ASH1L: variants seen among roughly 807,000 people sequenced by gnomAD.
The protein encoded by ASH1L is ASH1 like histone lysine methyltransferase, also known as histone-lysine N-methyltransferase ASH1L.
ASH1L carries 23 observed loss-of-function variants against 269.0 expected under a neutral mutation model. That is an observed-to-expected ratio of 0.09 (90% CI 0.06 to 0.12). The LOEUF (loss-of-function observed/expected upper bound fraction) is 0.12. Ranked by LOEUF, ASH1L falls within the 10% of genes least tolerant of loss-of-function variation. The pLI is 1.00. For missense variants in ASH1L, 2,912 were observed against 3,567.8 expected (o/e 0.82, Z 4.68); for synonymous variants, 1,187 against 1,253.5 (o/e 0.95, Z 1.12).
At chr1:155,365,265 G>A (rs2148399075) in intron 12 of ASH1L, among the ~76,000 whole-genome samples, 1 of 152,106 alleles carries the variant, frequency 6.6e-6, no homozygotes, top group Admixed American at 6.6e-5. Context: ...GAGTGCAGTG[G>A]CACAATCTCA....
Position 155,378,406 on chromosome 1 carries a change from A to G in ASH1L, c.6224-17T>C, listed in dbSNP as rs1656652380. ...CGTAGACATCTTGAAAAGAAAGCAA[A>G]GAATAGTTTGTGAACATACAGGATA... On this transcript the variant is annotated splice_polypyrimidine_tract_variant and intron_variant, in intron 9 of 27. Transcript: ENST00000392403. The G allele has an allele frequency of 6.2e-7, 1 of 1,612,488 alleles. No homozygotes were observed. Among genetic ancestry groups the G allele is most frequent in the South Asian group, 1.1e-5 (1 of 91,062 alleles).
At chr1:155,552,260 G>C (rs1474588295) in intron 1 of ASH1L, among the ~76,000 whole-genome samples, 2 of 151,444 alleles carry the variant, frequency 1.3e-5, no homozygotes, top group Non-Finnish European at 2.9e-5. Context: ...TGAGGTAGGA[G>C]TTCAAGACCA....
intron 5 of ASH1L, among the ~76,000 whole-genome samples, chr1:155,437,487 T>C (rs956132115): frequency 1.3e-5 from 2 of 152,146 alleles, no homozygotes; most frequent in Non-Finnish European, 2.9e-5. Flanking sequence ...TCCTTGTGCA[T>C]TGTAACTGAA....
At chr1:155,427,728 T>C (rs960745258) in intron 5 of ASH1L, among the ~76,000 whole-genome samples, 2 of 152,156 alleles carry the variant, frequency 1.3e-5, no homozygotes, top group Non-Finnish European at 2.9e-5. Flanking sequence ...CACAAGCCAC[T>C]GCACCCGGCC....
chr1:155,345,357 C>T (rs888186695), intron 21 of ASH1L, among the ~76,000 whole-genome samples: 6 of 148,478 alleles, frequency 4.0e-5, no homozygotes, highest in African/African-American at 1.5e-4. Flanking sequence ...ATTTTTTTTG[C>T]AGTTTTTAGT....
rs1489201836 is a variant in ASH1L at position 155,562,568 on chromosome 1, C to A, written c.-515G>T. On this transcript the variant is annotated 5_prime_UTR_variant, in exon 1 of 28. Coordinates refer to ENST00000392403, the MANE Select transcript of ASH1L (RefSeq NM_018489.3). ...CGTTCTTTCCCACCGTCCCCCGCTC[C>A]GCCCGACTCCGTCCGCGTAGCGCGC... 1 of 1,529,594 alleles carries A rather than the reference C, an allele frequency of 6.5e-7. No individual in the cohort carries two copies. Among genetic ancestry groups the A allele is most frequent in the Admixed American group, 2.0e-5 (1 of 50,560 alleles). The allele number at this position is 1,529,594 out of a possible 1,614,324, so 94.8% of individuals were successfully genotyped here.
intron 2 of ASH1L, chr1:155,520,295 G>A (rs1301253412): frequency 6.7e-6 from 1 of 150,020 alleles, no homozygotes; most frequent in Non-Finnish European, 1.5e-5. Flanking sequence ...AGGAGGCGGA[G>A]GTTGCGGTGA....
Position 155,477,768 on chromosome 1 carries a change from C to A in ASH1L, c.4984+118G>T, listed in dbSNP as rs1022196005. The A allele has an allele frequency of 5.4e-6, 5 of 928,608 alleles. No homozygotes were observed. In the African/African-American group the frequency reaches 8.6e-5, roughly 16 times the overall value. 57.5% of individuals were successfully genotyped at this position (928,608 alleles called of 1,614,324 possible). On this transcript the variant is annotated intron_variant, in intron 3 of 27. Transcript: ENST00000392403. Reference sequence around the variant, plus strand: ...AAAGGAATACTGAGATTTCAAAATACACTTATTAAAAAACAAAAAAAGATA... The same window carrying A: ...AAAGGAATACTGAGATTTCAAAATAAACTTATTAAAAAACAAAAAAAGATA...
intron 3 of ASH1L, among the ~76,000 whole-genome samples, chr1:155,474,224 C>G (rs1293869568): frequency 6.6e-6 from 1 of 152,056 alleles, no homozygotes; most frequent in Non-Finnish European, 1.5e-5. Flanking sequence ...GAGTCTGTTC[C>G]TAACTTTTAT....
At chr1:155,474,749 T>A (rs1205871110) in intron 3 of ASH1L, among the ~76,000 whole-genome samples, 1 of 152,150 alleles carries the variant, frequency 6.6e-6, no homozygotes, top group African/African-American at 2.4e-5. Flanking sequence ...CTGCTCCTCC[T>A]ATAGTCTTCT....
At chr1:155,364,740 G>A (rs1655252394) in intron 12 of ASH1L, among the ~76,000 whole-genome samples, 1 of 151,882 alleles carries the variant, frequency 6.6e-6, no homozygotes, top group Non-Finnish European at 1.5e-5. Context: ...AGGAGTTCAA[G>A]ACCAGCCTGG....
At chr1:155,344,112 G>A in intron 22 of ASH1L, 71 bp downstream of exon 22, 1 of 1,326,162 alleles carries the variant, frequency 7.5e-7, no homozygotes, top group Non-Finnish European at 1.1e-6. Flanking sequence ...GACTATGATG[G>A]AGACAGCAGA....
chr1:155,416,383 G>A (rs1660207867), intron 5 of ASH1L, among the ~76,000 whole-genome samples: 1 of 152,154 alleles, frequency 6.6e-6, no homozygotes, highest in Non-Finnish European at 1.5e-5. Context: ...CCTCCCAAGT[G>A]CTGGGATTAT....
rs1358224686 is a variant in ASH1L, at chr1:155,335,983, C to T, written c.*1677G>A. On this transcript the variant is annotated 3_prime_UTR_variant, in exon 28 of 28. Coordinates refer to ENST00000392403, the MANE Select transcript of ASH1L (RefSeq NM_018489.3). The stretch of plus-strand genomic sequence containing the variant: ...TTTTTCCAGCTCCACATGTGAGTAT[C>T]TTATACCCAGGTCTCTTAGTAATGT... 2 of 152,390 alleles carry T rather than the reference C, an allele frequency of 1.3e-5. No individual in the cohort carries two copies. The highest frequency in any genetic ancestry group is 2.9e-5 in the Non-Finnish European group (2 of 67,958). 9.4% of individuals were successfully genotyped at this position (152,390 alleles called of 1,614,324 possible). A position where few individuals can be genotyped will look rare whatever the true frequency, so the allele number is the denominator to read the frequency against.
chr1:155,480,211 G>C lies in ASH1L; in HGVS notation c.2659C>G (p.Pro887Ala). Residue 887 changes from proline to alanine, a missense_variant, in exon 3 of 28, where the codon CCA (proline) becomes GCA (alanine). Physicochemically the swap from Pro to Ala is conservative, Grantham distance 27 (BLOSUM62 -1). Coordinates refer to ENST00000392403, the MANE Select transcript of ASH1L (RefSeq NM_018489.3). ...CTCTTAGGCCTGCCTCTCTTTTTTG[G>C]AAAAGGAGACACAGACAGACCTTGT... Reference protein sequence around the residue: ...FKQGLSVSPFPKKRGRPKRQM... With the variant: ...FKQGLSVSPFAKKRGRPKRQM... The C allele has an allele frequency of 6.2e-7, 1 of 1,614,104 alleles. No individual in the cohort carries two copies. Among genetic ancestry groups the C allele is most frequent in the South Asian group, 1.1e-5 (1 of 91,086 alleles).
intron 4 of ASH1L, 103 bp from the exon 5 acceptor site, chr1:155,439,171 C>T: frequency 8.4e-7 from 1 of 1,189,428 alleles, no homozygotes; most frequent in Non-Finnish European, 1.2e-6. Flanking sequence ...TTTTCCATAG[C>T]AAGATTACAC....
chr1:155,381,210 TTAATA>T (rs1392239912), intron 7 of ASH1L, among the ~76,000 whole-genome samples: 1 of 152,214 alleles, frequency 6.6e-6, no homozygotes, highest in Non-Finnish European at 1.5e-5. Context: ...GGTTTTATAA[TTAATA>T]TACTATACTT....
intron 1 of ASH1L, among the ~76,000 whole-genome samples, chr1:155,556,066 A>G (rs1472326332): frequency 2.0e-5 from 3 of 152,146 alleles, no homozygotes; most frequent in East Asian, 1.9e-4. Context: ...TTATTTCTAT[A>G]TATGTTTGCA....
chr1:155,359,180 T>C (rs948952063), intron 13 of ASH1L, among the ~76,000 whole-genome samples: 1 of 152,208 alleles, frequency 6.6e-6, no homozygotes, highest in Non-Finnish European at 1.5e-5. Flanking sequence ...CAGGTTGGCC[T>C]TGAACTCCTG....
Sources: allele counts gnomAD v4.1 joint callset (sites outside exome capture counted in the v4.1 genomes callset), GRCh38; gene constraint gnomAD v4.1.1; transcripts MANE v1.5; gene names NCBI Gene and HGNC (gene_info 2026-07-23, HGNC 2026-07-21).